TRABD2B: variants seen among roughly 807,000 people sequenced by gnomAD.
The protein encoded by TRABD2B is metalloprotease TIKI2.
In TRABD2B, 14 loss-of-function variants were observed where a neutral mutation model predicts 40.1. The observed-to-expected ratio is 0.35, with a 90% CI of 0.23 to 0.55. The LOEUF (loss-of-function observed/expected upper bound fraction) is 0.55. Among genes scored for constraint, TRABD2B ranks in the 20% least tolerant of loss-of-function variants. The pLI, the probability that TRABD2B is intolerant of heterozygous loss-of-function variation, is 0.90. For synonymous variants in TRABD2B, 263 were observed against 277.0 expected, an observed-to-expected ratio of 0.95 and a Z score of 0.50; for missense variants, 541 against 648.6, an observed-to-expected ratio of 0.83 and a Z score of 1.80.
chr1:47,829,328 G>C (rs1414924760), intron 2 of TRABD2B, among the ~76,000 whole-genome samples: 1 of 152,074 alleles, frequency 6.6e-6, no homozygotes, highest in Non-Finnish European at 1.5e-5. Flanking sequence ...CTGGGAGAGG[G>C]GCTCAGTTAG....
chr1:47,959,969 A>C (rs1022536862), intron 2 of TRABD2B, among the ~76,000 whole-genome samples: 2 of 152,198 alleles, frequency 1.3e-5, no homozygotes, highest in Middle Eastern at 3.2e-3. Flanking sequence ...CCTCAATAAA[A>C]TACTGGCAAA....
chr1:47,878,360 A>C (rs1439282731), intron 2 of TRABD2B, among the ~76,000 whole-genome samples: 2 of 152,192 alleles, frequency 1.3e-5, no homozygotes, highest in Non-Finnish European at 2.9e-5. Flanking sequence ...GTTTTCAGTG[A>C]GTAGGTTATA....
At chr1:47,992,932 C>T (rs1211693941) in intron 2 of TRABD2B, among the ~76,000 whole-genome samples, 1 of 152,202 alleles carries the variant, frequency 6.6e-6, no homozygotes, top group African/African-American at 2.4e-5. Flanking sequence ...TCCCCAGGGA[C>T]AATATTGCAT....
At chr1:47,790,076 C>T (rs777836610) in intron 4 of TRABD2B, among the ~76,000 whole-genome samples, 1 of 152,154 alleles carries the variant, frequency 6.6e-6, no homozygotes, top group Non-Finnish European at 1.5e-5. Context: ...AATATTTTAA[C>T]TTCAAACACA....
chr1:47,912,283 A>G (rs1644773316), intron 2 of TRABD2B, among the ~76,000 whole-genome samples: 1 of 152,238 alleles, frequency 6.6e-6, no homozygotes, highest in African/African-American at 2.4e-5. Context: ...TTTTTCTACC[A>G]CAAGATGTAA....
intron 2 of TRABD2B, among the ~76,000 whole-genome samples, chr1:47,906,778 G>A (rs1412230463): frequency 6.6e-6 from 1 of 152,246 alleles, no homozygotes; most frequent in Non-Finnish European, 1.5e-5. Context: ...ACAGGTCTAG[G>A]AACCTTAAAA....
chr1:47,781,601 C>T (rs1292266384), intron 4 of TRABD2B, among the ~76,000 whole-genome samples: 4 of 152,242 alleles, frequency 2.6e-5, no homozygotes, highest in African/African-American at 9.6e-5. Flanking sequence ...ACTTCAGATG[C>T]TTTGAGAAAA....
At chr1:47,962,214 G>C (rs1368504271) in intron 2 of TRABD2B, among the ~76,000 whole-genome samples, 2 of 151,780 alleles carry the variant, frequency 1.3e-5, no homozygotes, top group African/African-American at 2.4e-5. Context: ...GGCCTGTTGT[G>C]GGGTGGGGGG....
intron 2 of TRABD2B, among the ~76,000 whole-genome samples, chr1:47,850,089 GAGGT>G (rs1362563824): frequency 1.3e-5 from 2 of 152,238 alleles, no homozygotes; most frequent in Non-Finnish European, 2.9e-5. Context: ...CCTCAGCTGG[GAGGT>G]GGCTGGACCA....
chr1:47,975,058 A>T (rs1408321405), intron 2 of TRABD2B, among the ~76,000 whole-genome samples: 1 of 152,236 alleles, frequency 6.6e-6, no homozygotes, highest in Non-Finnish European at 1.5e-5. Context: ...CTAAGAAGGG[A>T]TGATAAGTAA....
chr1:47,918,823 T>C (rs570078972), intron 2 of TRABD2B, among the ~76,000 whole-genome samples: 1 of 152,312 alleles, frequency 6.6e-6, no homozygotes, highest in Non-Finnish European at 1.5e-5. Flanking sequence ...AAGAACTCGA[T>C]CTGAGCCACA....
intron 2 of TRABD2B, among the ~76,000 whole-genome samples, chr1:47,942,220 C>T (rs1645197629): frequency 6.6e-6 from 1 of 152,170 alleles, no homozygotes; most frequent in African/African-American, 2.4e-5. Flanking sequence ...GTCCCCAGTA[C>T]CCCATTCAGG....
chr1:47,988,795 C>A (rs1377537256), intron 2 of TRABD2B, among the ~76,000 whole-genome samples: 2 of 152,132 alleles, frequency 1.3e-5, no homozygotes, highest in East Asian at 3.8e-4. Flanking sequence ...CAAAGGGGGG[C>A]AAATTAGGCC....
intron 4 of TRABD2B, among the ~76,000 whole-genome samples, chr1:47,789,623 G>C (rs1277895909): frequency 1.3e-5 from 2 of 152,076 alleles, no homozygotes; most frequent in African/African-American, 2.4e-5. Context: ...CTCTTCCTCT[G>C]TGGATGACTT....
rs1644241214 is a variant in TRABD2B, at chr1:47,761,317, T to C, written c.*4585A>G. The stretch of plus-strand genomic sequence containing the variant: ...CAAGTAGGGGGTCAATCAGTTCTCG[T>C]GAACCCTTTCCTCCCCTGGGGTCAG... On this transcript the variant is annotated 3_prime_UTR_variant, in exon 7 of 7. Transcript: ENST00000606738. The C allele has an allele frequency of 6.6e-6, 1 of 152,352 alleles. No homozygotes were observed. The allele number at this position is 152,352 out of a possible 1,614,324, so 9.4% of individuals were successfully genotyped here.
intron 2 of TRABD2B, among the ~76,000 whole-genome samples, chr1:47,992,385 A>G (rs1039443735): frequency 1.3e-5 from 2 of 152,206 alleles, no homozygotes; most frequent in Admixed American, 1.3e-4. Context: ...CCCGACCCCA[A>G]AGAAAGATAG....
At chr1:47,846,351 T>C (rs1302287816) in intron 2 of TRABD2B, among the ~76,000 whole-genome samples, 1 of 152,206 alleles carries the variant, frequency 6.6e-6, no homozygotes, top group Non-Finnish European at 1.5e-5. Flanking sequence ...GGCTCATCTG[T>C]GAAATGAGCT....
chr1:47,820,822 A>AC (rs1491170329), intron 2 of TRABD2B, among the ~76,000 whole-genome samples: 1 of 143,818 alleles, frequency 7.0e-6, no homozygotes, highest in African/African-American at 2.6e-5. Flanking sequence ...ACACACACAC[A>AC]AAATCTTACT....
intron 2 of TRABD2B, among the ~76,000 whole-genome samples, chr1:47,868,789 T>C (rs1644097844): frequency 6.6e-6 from 1 of 152,148 alleles, no homozygotes; most frequent in Admixed American, 6.5e-5. Flanking sequence ...TAGGGGGACA[T>C]CACTCTACTC....
Sources: allele counts gnomAD v4.1 joint callset (sites outside exome capture counted in the v4.1 genomes callset), GRCh38; gene constraint gnomAD v4.1.1; transcripts MANE v1.5; gene names NCBI Gene and HGNC (gene_info 2026-07-23, HGNC 2026-07-21).